GOLGA3: variants seen among roughly 807,000 people sequenced by gnomAD.
GOLGA3 encodes the protein golgin subfamily A member 3.
Under a neutral mutation model 169.4 loss-of-function variants are expected in GOLGA3, and 75 were observed. The observed-to-expected ratio is 0.44, with a 90% CI of 0.37 to 0.54. The LOEUF is 0.54. Ranked by LOEUF, GOLGA3 falls within the 20% of genes least tolerant of loss-of-function variation. The pLI is 0.00. For synonymous variants in GOLGA3, 824 were observed against 822.4 expected (o/e 1.00, Z -0.03); for missense variants, 1,899 against 1,930.0 (o/e 0.98, Z 0.30).
chr12:132,809,985 C>G (rs4758907), intron 4 of GOLGA3, among the ~76,000 whole-genome samples: 51,196 of 151,520 alleles, frequency 0.34, 9,498 homozygotes, highest in East Asian at 0.52. Context: ...TGGTTCACAC[C>G]TGTAATCCCA....
intron 15 of GOLGA3, among the ~76,000 whole-genome samples, chr12:132,784,509 G>A (rs1284655243): frequency 6.6e-6 from 1 of 152,182 alleles, no homozygotes; most frequent in East Asian, 1.9e-4. Flanking sequence ...GGGGATAGTT[G>A]GGACAAACAA....
At chr12:132,797,985 G>C (rs907476304) in intron 9 of GOLGA3, among the ~76,000 whole-genome samples, 1 of 152,232 alleles carries the variant, frequency 6.6e-6, no homozygotes, top group African/African-American at 2.4e-5. Flanking sequence ...TCTGTACCCA[G>C]CGCCATCCCT....
rs148373097 is a variant in GOLGA3 at position 132,801,906 on chromosome 12, C to A, written c.1661G>T (p.Arg554Leu). 6.2e-7 allele frequency: 1 copy of A among 1,602,372 alleles called. No homozygotes were observed. Among genetic ancestry groups the A allele is most frequent in the African/African-American group, 1.3e-5 (1 of 74,948 alleles). ...QSQLQQVQLE[R>L]TTLTSKLKAS... ...CTTCAGCTTGCTGGTCAGCGTCGTC[C>A]GCTCCAGCTGCACCTGCTGAAGCTG... The change falls in exon 8 of 24, where the codon CGG becomes CTG. Residue 554 changes from arginine to leucine, a missense_variant. Transcript: ENST00000450791.
At chr12:132,823,744 G>A (rs565227476) in intron 1 of GOLGA3, among the ~76,000 whole-genome samples, 72 of 150,844 alleles carry the variant, frequency 4.8e-4, no homozygotes, top group Non-Finnish European at 8.4e-4. Context: ...CCAAGACCAC[G>A]CCATTGCACT....
intron 16 of GOLGA3, 39 bp downstream of exon 16, chr12:132,784,111 GGGCTCACGTGACCT>G (rs1468499164): frequency 6.3e-7 from 1 of 1,599,910 alleles, no homozygotes; most frequent in East Asian, 2.2e-5. Flanking sequence ...GGCATGTCCA[GGGCTCACGTGACCT>G]GCCCCACGCT....
chr12:132,780,939 A>G, intron 17 of GOLGA3, 25 bp from the exon 18 acceptor site: 1 of 1,549,008 alleles, frequency 6.5e-7, no homozygotes, highest in Middle Eastern at 1.7e-4. Flanking sequence ...AGGAGGACAG[A>G]TAAGGAAGGA....
At chr12:132,825,280 G>A (rs1181311793) in intron 1 of GOLGA3, among the ~76,000 whole-genome samples, 2 of 152,138 alleles carry the variant, frequency 1.3e-5, no homozygotes, top group East Asian at 1.9e-4. Flanking sequence ...GGCCCCGCAG[G>A]TAAAGTGTCT....
chr12:132,789,048 G>C lies in GOLGA3; in HGVS notation c.2790C>G (p.Asp930Glu), dbSNP rs146761027. 5 of 1,575,146 alleles carry C rather than the reference G, an allele frequency of 3.2e-6. No homozygotes were observed. The South Asian group carries it at 3.4e-5, about 11-fold the overall frequency. ...GHLQSAQKER[D>E]EMETHLQSLQ... ...AGACCTGCAAGTGTGTTTCCATCTC[G>C]TCTCGCTCCTTCTGCGCCGACTGGA... Residue 930 changes from aspartate to glutamate, a missense_variant, in exon 13 of 24, where the codon GAC becomes GAG. Transcript: ENST00000450791.
At chr12:132,780,134 G>T (rs1327525160) in intron 18 of GOLGA3, among the ~76,000 whole-genome samples, 1 of 77,512 alleles carries the variant, frequency 1.3e-5, no homozygotes, top group Non-Finnish European at 2.7e-5. Flanking sequence ...CACACCCCAG[G>T]CACACGTGTG....
At position 132,826,258 on chromosome 12, in the gene GOLGA3, A is replaced by G. The variant is rs1365457256; in HGVS notation, c.-184+2545T>C. The G allele has an allele frequency of 3.3e-6, 4 of 1,203,106 alleles. No individual in the cohort carries two copies. In the African/African-American group the frequency reaches 6.2e-5, roughly 19 times the overall value. 74.5% of individuals were successfully genotyped at this position (1,203,106 alleles called of 1,614,324 possible). On this transcript the variant is annotated intron_variant, in intron 1 of 23. Transcript: ENST00000450791. ...CATTCTCCAAAAAAAAAAAAAAAAA[A>G]GAAACTGGAAGAGCAGCATCACGGC...
intron 17 of GOLGA3, 108 bp from the exon 18 acceptor site, chr12:132,781,022 G>A: frequency 2.6e-6 from 2 of 759,376 alleles, no homozygotes; most frequent in Non-Finnish European, 4.5e-6. Flanking sequence ...CACACGCCAG[G>A]GAGGTAGAGG....
intron 7 of GOLGA3, among the ~76,000 whole-genome samples, chr12:132,802,831 G>A (rs577439037): frequency 3.4e-4 from 52 of 152,192 alleles, no homozygotes; most frequent in African/African-American, 1.1e-3. Context: ...TGAGGCGGGC[G>A]GATCACCTGA....
intron 8 of GOLGA3, among the ~76,000 whole-genome samples, chr12:132,799,384 G>A (rs1240721806): frequency 6.6e-6 from 1 of 152,220 alleles, no homozygotes; most frequent in Admixed American, 6.5e-5. Flanking sequence ...CCCGGCAGTG[G>A]CTCATCCTGT....
chr12:132,777,146 C>A lies in GOLGA3; in HGVS notation c.3723-56G>T. On this transcript the variant is annotated intron_variant, in intron 19 of 23. Coordinates refer to ENST00000450791, the MANE Select transcript of GOLGA3 (RefSeq NM_001389683.1). This position sits in a 1 kb window ranked among gnomAD's most constrained non-coding sequence, Gnocchi z 4.7. ...CGCCACGCTCCTCCAGTGTGCTGTG[C>A]CCTCCCGCTGGGAAATGCTGCCTGT... 6.5e-7 allele frequency: 1 copy of A among 1,527,006 alleles called. No individual in the cohort carries two copies. The highest frequency in any genetic ancestry group is 2.3e-5 in the East Asian group (1 of 44,066). The allele number at this position is 1,527,006 out of a possible 1,614,324, so 94.6% of individuals were successfully genotyped here. A position where few individuals can be genotyped will look rare whatever the true frequency, so the allele number is the denominator to read the frequency against.
At chr12:132,791,951 T>C (rs1055761858) in intron 11 of GOLGA3, among the ~76,000 whole-genome samples, 55 of 132,760 alleles carry the variant, frequency 4.1e-4, no homozygotes, top group Non-Finnish European at 7.1e-4. Flanking sequence ...CTGAGGACTA[T>C]AGGAGGGGAA....
intron 6 of GOLGA3, among the ~76,000 whole-genome samples, chr12:132,806,422 A>G (rs1237978960): frequency 1.3e-5 from 2 of 152,254 alleles, no homozygotes; most frequent in African/African-American, 4.8e-5. Flanking sequence ...TCTTCTGTAG[A>G]CACAGCTTTA....
At chr12:132,813,721 CTTT>C (rs10717082) in intron 3 of GOLGA3, among the ~76,000 whole-genome samples, 82 of 78,848 alleles carry the variant, frequency 1.0e-3, no homozygotes, top group Non-Finnish European at 1.3e-3. Context: ...CAGCAAGTGC[CTTT>C]TTTTTTTTTT....
chr12:132,818,383 C>T (rs1327285574), intron 2 of GOLGA3, among the ~76,000 whole-genome samples: 1 of 152,196 alleles, frequency 6.6e-6, no homozygotes, highest in Non-Finnish European at 1.5e-5. Flanking sequence ...CTTCAGCCTC[C>T]CCAGTAGCTG....
In GOLGA3 at chr12:132,773,231, C is replaced by T. The variant is rs774152620; in HGVS notation, c.4371G>A (p.Leu1457=). 1 of 1,563,362 alleles carries T rather than the reference C, an allele frequency of 6.4e-7. No homozygotes were observed. Among genetic ancestry groups the T allele is most frequent in the Non-Finnish European group, 8.7e-7 (1 of 1,150,570 alleles). The change falls in exon 24 of 24, where the codon CTG becomes CTA. Residue 1457 remains leucine, a synonymous_variant. Coordinates refer to ENST00000450791, the MANE Select transcript of GOLGA3 (RefSeq NM_001389683.1). The stretch of plus-strand genomic sequence containing the variant: ...CTGGCTCCAGCGGCGTCCACGAGGA[C>T]AGAGACTCGTGCACCGTCAGGGCGT... ...EEHALTVHES[L]SSWTPLEPAT... is the part of the protein sequence containing the mutation.
Sources: allele counts gnomAD v4.1 joint callset (sites outside exome capture counted in the v4.1 genomes callset), GRCh38; gene constraint gnomAD v4.1.1; non-coding constraint Gnocchi (gnomAD v3.1); transcripts MANE v1.5; gene names NCBI Gene and HGNC (gene_info 2026-07-23, HGNC 2026-07-21).